Variants in KAZN observed in about 807,000 individuals in gnomAD.
The protein encoded by KAZN is kazrin.
In KAZN, 40 loss-of-function variants were observed where a neutral mutation model predicts 87.4. That is an observed-to-expected ratio of 0.46 (90% confidence interval 0.36 to 0.60). The LOEUF is 0.60. Among genes scored for constraint, KAZN ranks in the 20% least tolerant of loss-of-function variants. KAZN has a pLI of 0.00. For missense variants in KAZN, 898 were observed against 1,073.9 expected (o/e 0.84, Z 2.29); for synonymous variants, 466 against 458.3 (o/e 1.02, Z -0.22).
intron 1 of KAZN, among the ~76,000 whole-genome samples, chr1:14,755,725 G>T (rs148631435): frequency 1.8e-4 from 27 of 152,290 alleles, no homozygotes; most frequent in African/African-American, 6.3e-4. Flanking sequence ...GCTCCACGGG[G>T]TCCCTCTTGG....
chr1:14,514,374 TA>T (rs376437648), intron 2 of KAZN, among the ~76,000 whole-genome samples: 1 of 20,164 alleles, frequency 5.0e-5, no homozygotes, highest in Non-Finnish European at 8.8e-5. Context: ...TTTATATATA[TA>T]ATATATATAT....
chr1:14,109,799 A>T (rs1644458145), intron 1 of KAZN, among the ~76,000 whole-genome samples: 1 of 89,534 alleles, frequency 1.1e-5, no homozygotes, highest in Admixed American at 1.1e-4. Flanking sequence ...TGAAAATGCC[A>T]TTCCTTATCA....
intron 2 of KAZN, among the ~76,000 whole-genome samples, chr1:15,004,744 A>T (rs1406090791): frequency 1.3e-5 from 2 of 152,166 alleles, no homozygotes; most frequent in Non-Finnish European, 2.9e-5. Context: ...CTAGCATTAA[A>T]TGGGGGGTTC....
intron 2 of KAZN, among the ~76,000 whole-genome samples, chr1:15,019,195 C>A (rs1025072679): frequency 1.3e-5 from 2 of 152,186 alleles, no homozygotes; most frequent in African/African-American, 4.8e-5. Context: ...CCACCAGGCT[C>A]CACTGCTCCC....
intron 1 of KAZN, among the ~76,000 whole-genome samples, chr1:14,759,156 GCA>G: frequency 6.6e-6 from 1 of 152,262 alleles, no homozygotes; most frequent in Non-Finnish European, 1.5e-5. Flanking sequence ...TGGGGGAGGG[GCA>G]CACACAGGGC....
intron 2 of KAZN, among the ~76,000 whole-genome samples, chr1:14,214,352 G>C (rs1169408653): frequency 1.1e-4 from 17 of 152,082 alleles, no homozygotes; most frequent in Non-Finnish European, 1.5e-5. Context: ...GGCTGTGTTG[G>C]TTTTATGCAC....
intron 1 of KAZN, among the ~76,000 whole-genome samples, chr1:14,635,940 T>C (rs1006071295): frequency 2.6e-5 from 4 of 152,186 alleles, no homozygotes; most frequent in African/African-American, 9.7e-5. Flanking sequence ...TTTTACCCCA[T>C]TGGCAGTTTC....
chr1:14,399,920 C>T (rs1663243820), intron 2 of KAZN, among the ~76,000 whole-genome samples: 2 of 152,166 alleles, frequency 1.3e-5, no homozygotes, highest in Non-Finnish European at 2.9e-5. Flanking sequence ...CTCATCATTT[C>T]CCACATGACT....
At position 14,598,764 on chromosome 1, in the gene KAZN, TTCTC is replaced by T; in HGVS notation, c.-233_-230del. 1 of 1,343,636 alleles carries T rather than the reference TTCTC, an allele frequency of 7.4e-7. No homozygotes were observed. The highest frequency in any genetic ancestry group is 9.5e-7 in the Non-Finnish European group (1 of 1,055,712). 83.2% of individuals were successfully genotyped at this position (1,343,636 alleles called of 1,614,324 possible). On this transcript the variant is annotated 5_prime_UTR_variant, in exon 1 of 15. Coordinates refer to ENST00000376030, the MANE Select transcript of KAZN (RefSeq NM_201628.3). This position sits in a 1 kb window ranked among gnomAD's most constrained non-coding sequence, Gnocchi z 4.2. ...CTCCTCCTCCTTCTCCTCCTCTTTTTTCTCCTCCGCCTCCTCCCCCCGCCGCCTC... is the reference window on the plus strand; with the variant it reads ...CTCCTCCTCCTTCTCCTCCTCTTTTTCTCCGCCTCCTCCCCCCGCCGCCTC...
At chr1:14,638,731 G>A (rs1319350476) in intron 1 of KAZN, among the ~76,000 whole-genome samples, 2 of 151,986 alleles carry the variant, frequency 1.3e-5, no homozygotes, top group African/African-American at 2.4e-5. Flanking sequence ...AACGGGTCTT[G>A]CCTCCTTCCG....
In KAZN at chr1:15,018,797, C is replaced by G. The variant is rs189189922; in HGVS notation, c.419-15952C>G. On this transcript the variant is annotated intron_variant, in intron 2 of 14. Transcript: ENST00000376030. ...ACAGACTTACCCACCTGGACTGGCA[C>G]AGGCGGGCAGCCACAGCCCCCCAGC... Among the ~76,000 whole-genome samples, 18 of 152,262 alleles carry G rather than the reference C, an allele frequency of 1.2e-4. 1 individual carries two copies. Among genetic ancestry groups the G allele is most frequent in the Admixed American group, 1.1e-3 (17 of 15,298 alleles).
intron 8 of KAZN, among the ~76,000 whole-genome samples, chr1:15,082,799 T>C (rs1234577992): frequency 6.6e-6 from 1 of 152,232 alleles, no homozygotes; most frequent in African/African-American, 2.4e-5. Context: ...TTCAAGCGAT[T>C]CTCATGCCTC....
At chr1:15,083,492 A>G (rs1016111716) in intron 8 of KAZN, among the ~76,000 whole-genome samples, 2 of 152,162 alleles carry the variant, frequency 1.3e-5, no homozygotes, top group Non-Finnish European at 2.9e-5. Context: ...CTTAGTAAGC[A>G]TTAGGCATGA....
chr1:14,824,277 A>T (rs1646819900), intron 1 of KAZN, among the ~76,000 whole-genome samples: 1 of 152,112 alleles, frequency 6.6e-6, no homozygotes. Flanking sequence ...AAAGAAAGAG[A>T]GCTAGAAAGG....
At chr1:13,995,774 G>A (rs577152531) in intron 1 of KAZN, among the ~76,000 whole-genome samples, 2 of 152,294 alleles carry the variant, frequency 1.3e-5, no homozygotes, top group Admixed American at 1.3e-4. Flanking sequence ...GACTCAGACT[G>A]ACACTCCTTG....
At chr1:14,665,585 C>T (rs1639483540) in intron 1 of KAZN, among the ~76,000 whole-genome samples, 1 of 152,088 alleles carries the variant, frequency 6.6e-6, no homozygotes, top group Non-Finnish European at 1.5e-5. Context: ...TGGTTGAGGG[C>T]ACAGGTTCTG....
At chr1:14,235,799 G>C (rs868621125) in intron 2 of KAZN, among the ~76,000 whole-genome samples, 3 of 152,170 alleles carry the variant, frequency 2.0e-5, no homozygotes, top group Admixed American at 6.5e-5. Context: ...TGATGCGAAT[G>C]ACAAGAGTCC....
In KAZN at chr1:15,095,473, G is replaced by A. The variant is rs905393548; in HGVS notation, c.1547+540G>A. Among the ~76,000 whole-genome samples, 22 of 151,900 alleles carry A rather than the reference G, an allele frequency of 1.4e-4. 1 individual carries two copies. The highest frequency in any genetic ancestry group is 3.1e-4 in the African/African-American group (13 of 41,412). ...GGGCCTTCTCATCAGGTGTACCCCC[G>A]CAGGCCACCCACCCCCACCGCTCAT... On this transcript the variant is annotated intron_variant, in intron 10 of 14. Coordinates refer to ENST00000376030, the MANE Select transcript of KAZN (RefSeq NM_201628.3).
At chr1:14,549,160 T>C (rs1296679381) in intron 2 of KAZN, among the ~76,000 whole-genome samples, 1 of 152,226 alleles carries the variant, frequency 6.6e-6, no homozygotes, top group Non-Finnish European at 1.5e-5. Context: ...TGAAGTTTTC[T>C]GTGTAGATAA....
Sources: gnomAD v4.1 joint callset for allele counts (sites outside exome capture counted in the v4.1 genomes callset) on GRCh38, gnomAD v4.1.1 for gene constraint, Gnocchi (gnomAD v3.1) non-coding constraint, MANE v1.5 for transcripts, NCBI Gene and HGNC (gene_info 2026-07-23, HGNC 2026-07-21) for gene names.